Variants in GALNT14 observed in about 807,000 individuals in gnomAD.
GALNT14 encodes the protein polypeptide N-acetylgalactosaminyltransferase 14, also known as UDP-GalNAc:polypeptide N-acetylgalactosaminyltransferase 14.
In GALNT14, 60 loss-of-function variants were observed where a neutral mutation model predicts 77.5. That is an observed-to-expected ratio of 0.77 (90% confidence interval 0.63 to 0.96). The LOEUF (loss-of-function observed/expected upper bound fraction) is 0.96. GALNT14 is among the 40% of genes least tolerant of loss of function. The pLI is 0.00. For synonymous variants in GALNT14, 280 were observed against 281.7 expected, an observed-to-expected ratio of 0.99 and a Z score of 0.06; for missense variants, 710 against 731.0, an observed-to-expected ratio of 0.97 and a Z score of 0.33.
At chr2:30,931,097 C>T (rs759292573) in intron 10 of GALNT14, among the ~76,000 whole-genome samples, 29 of 152,324 alleles carry the variant, frequency 1.9e-4, no homozygotes, top group Admixed American at 3.3e-4. Context: ...GCCTTTGCTC[C>T]CCACTGCTTC....
chr2:30,949,518 C>T lies in GALNT14; in HGVS notation c.655-3648G>A, dbSNP rs1666902649. On this transcript the variant is annotated intron_variant, in intron 6 of 14. Coordinates refer to ENST00000349752, the MANE Select transcript of GALNT14 (RefSeq NM_024572.4). ...TGCAGATCCTGGACCACACTCCCTC[C>T]TCTCCCCTCCTCCAAGCAAATCCAA... 3.3e-5 allele frequency among the ~76,000 whole-genome samples: 5 copies of T among 152,162 alleles called. No individual in the cohort carries two copies. The South Asian group carries it at 1.0e-3, about 32-fold the overall frequency.
intron 13 of GALNT14, among the ~76,000 whole-genome samples, chr2:30,912,978 T>C (rs1181178661): frequency 6.6e-6 from 1 of 152,196 alleles, no homozygotes; most frequent in East Asian, 1.9e-4. Context: ...ATAGATCTTT[T>C]GGCCCCTGAG....
intron 1 of GALNT14, among the ~76,000 whole-genome samples, chr2:31,005,879 G>T (rs1670643074): frequency 6.6e-6 from 1 of 152,230 alleles, no homozygotes; most frequent in Non-Finnish European, 1.5e-5. Flanking sequence ...AGCTTAGAAG[G>T]CTAGAAATTG....
rs150329083 is a variant in GALNT14, at chr2:30,942,064, C to T, written c.931+137G>A. 222 of 582,302 alleles carry T rather than the reference C, an allele frequency of 3.8e-4. 1 individual carries two copies. Among genetic ancestry groups the T allele is most frequent in the Non-Finnish European group, 6.4e-4 (208 of 327,456 alleles). 36.1% of individuals were successfully genotyped at this position (582,302 alleles called of 1,614,324 possible). ...CGCTTTCCCCCAAAAGAGTAACTCA[C>T]CATCTCCCAGGACCTCATCCAAAGC... On this transcript the variant is annotated intron_variant, in intron 9 of 14. Coordinates refer to ENST00000349752, the MANE Select transcript of GALNT14 (RefSeq NM_024572.4).
At chr2:30,940,291 G>A (rs932899439) in intron 9 of GALNT14, among the ~76,000 whole-genome samples, 1 of 152,168 alleles carries the variant, frequency 6.6e-6, no homozygotes, top group Non-Finnish European at 1.5e-5. Flanking sequence ...TTGCTATAAG[G>A]AAAGGTATTG....
chr2:31,110,273 G>A (rs923851033), intron 1 of GALNT14, among the ~76,000 whole-genome samples: 5 of 152,042 alleles, frequency 3.3e-5, no homozygotes, highest in African/African-American at 4.8e-5. Flanking sequence ...TTGTTTCTAC[G>A]CACTCTATTC....
At chr2:30,984,744 G>T (rs998679184) in intron 2 of GALNT14, among the ~76,000 whole-genome samples, 3 of 152,050 alleles carry the variant, frequency 2.0e-5, no homozygotes, top group African/African-American at 7.2e-5. Flanking sequence ...TGCAGCCCAC[G>T]CCATCTCCTT....
At chr2:30,904,980 A>G in the GALNT14 span, among the ~76,000 whole-genome samples, 3 of 152,080 alleles carry the variant, frequency 2.0e-5, no homozygotes, top group African/African-American at 7.2e-5. Flanking sequence ...GGGTATTCCA[A>G]CAGACCTGCA....
At chr2:30,961,680 C>T (rs1158042300) in intron 3 of GALNT14, among the ~76,000 whole-genome samples, 2 of 150,138 alleles carry the variant, frequency 1.3e-5, no homozygotes, top group Non-Finnish European at 2.9e-5. Context: ...CTGGGTTAGA[C>T]TTTCTTTTTT....
chr2:31,040,471 T>C (rs139947466), intron 1 of GALNT14, among the ~76,000 whole-genome samples: 2 of 152,342 alleles, frequency 1.3e-5, no homozygotes, highest in East Asian at 3.9e-4. Flanking sequence ...GCCTGGTTTC[T>C]GGAGGTACTG....
At chr2:31,020,530 A>G (rs1671653679) in intron 1 of GALNT14, among the ~76,000 whole-genome samples, 2 of 152,166 alleles carry the variant, frequency 1.3e-5, no homozygotes, top group Non-Finnish European at 2.9e-5. Context: ...GGAATCACAT[A>G]AGGATGGGCT....
intron 1 of GALNT14, among the ~76,000 whole-genome samples, chr2:30,999,555 T>A (rs1266340619): frequency 6.6e-6 from 1 of 152,078 alleles, no homozygotes; most frequent in Non-Finnish European, 1.5e-5. Flanking sequence ...GTCAGATGGG[T>A]TCATCAAGGA....
intron 1 of GALNT14, among the ~76,000 whole-genome samples, chr2:31,010,419 A>G (rs369614431): frequency 2.8e-4 from 42 of 152,210 alleles, no homozygotes; most frequent in Non-Finnish European, 3.1e-4. Flanking sequence ...CTAACACGGT[A>G]AAACCCCATC....
chr2:31,051,659 C>G (rs1045562596), intron 1 of GALNT14, among the ~76,000 whole-genome samples: 3 of 152,176 alleles, frequency 2.0e-5, no homozygotes, highest in African/African-American at 7.2e-5. Flanking sequence ...TTTGAAGAAC[C>G]TTGACTAATA....
chr2:31,012,240 T>A (rs1671077306), intron 1 of GALNT14, among the ~76,000 whole-genome samples: 1 of 152,236 alleles, frequency 6.6e-6, no homozygotes, highest in Non-Finnish European at 1.5e-5. Context: ...GGTCTGCAAG[T>A]ACTGCCCTGG....
chr2:31,045,367 A>G (rs1673374568), intron 1 of GALNT14, among the ~76,000 whole-genome samples: 1 of 152,208 alleles, frequency 6.6e-6, no homozygotes, highest in Non-Finnish European at 1.5e-5. Flanking sequence ...ACAGCCCATT[A>G]ATCAAGGATC....
Position 31,090,860 on chromosome 2 carries a change from C to T in GALNT14, c.129+47098G>A, listed in dbSNP as rs549543552. 7.5e-4 allele frequency among the ~76,000 whole-genome samples: 100 copies of T among 132,722 alleles called. 1 individual carries two copies. The South Asian group carries it at 0.018, about 24-fold the overall frequency. The allele number at this position is 132,722 out of a possible 152,430, so 87.1% of individuals were successfully genotyped here. On this transcript the variant is annotated intron_variant, in intron 1 of 14. Transcript: ENST00000349752. ...AAGAGAACATTAAAAATATCTACTTCACTGGCACTGTGAGAAGTAAGTAAT... is the reference window on the plus strand; with the variant it reads ...AAGAGAACATTAAAAATATCTACTTTACTGGCACTGTGAGAAGTAAGTAAT...
At position 30,957,731 on chromosome 2, in the gene GALNT14, G is replaced by A. The variant is rs564400144; in HGVS notation, c.466+666C>T. On this transcript the variant is annotated intron_variant, in intron 4 of 14. Coordinates refer to ENST00000349752, the MANE Select transcript of GALNT14 (RefSeq NM_024572.4). ...GGTGGACTCCACTCTGATAGGACCT[G>A]GAGCTGTCCACAGTGGTCATTCCAT... 6.6e-5 allele frequency among the ~76,000 whole-genome samples: 10 copies of A among 152,282 alleles called. No individual in the cohort carries two copies. The East Asian group carries it at 1.9e-3, about 29-fold the overall frequency.
intron 1 of GALNT14, among the ~76,000 whole-genome samples, chr2:31,130,740 G>A (rs7608241): frequency 1.9e-3 from 203 of 107,232 alleles, no homozygotes; most frequent in African/African-American, 9.3e-3. Flanking sequence ...ACCTCTGTGT[G>A]TGTGTGTGTG....
Sources: gnomAD v4.1 joint callset for allele counts (sites outside exome capture counted in the v4.1 genomes callset) on GRCh38, gnomAD v4.1.1 for gene constraint, MANE v1.5 for transcripts, NCBI Gene and HGNC (gene_info 2026-07-23, HGNC 2026-07-21) for gene names.